DDX60: variants seen among roughly 807,000 people sequenced by gnomAD.
DDX60 encodes DExD/H-box helicase 60, also known as probable ATP-dependent RNA helicase DDX60.
DDX60 carries 165 observed loss-of-function variants against 212.8 expected under a neutral mutation model. The ratio of observed to expected loss-of-function variants is 0.78; its 90% confidence interval spans 0.68 to 0.88. The LOEUF (loss-of-function observed/expected upper bound fraction) is 0.88. Ranked by LOEUF, DDX60 falls within the 40% of genes least tolerant of loss-of-function variation. The pLI is 0.00. For synonymous variants in DDX60, 703 were observed against 685.3 expected, an observed-to-expected ratio of 1.03 and a Z score of -0.40; for missense variants, 1,905 against 2,003.9, an observed-to-expected ratio of 0.95 and a Z score of 0.94.
At chr4:168,302,126 T>A (rs1247931188) in intron 6 of DDX60, among the ~76,000 whole-genome samples, 174 bp downstream of exon 6, 1 of 152,238 alleles carries the variant, frequency 6.6e-6, no homozygotes, top group Admixed American at 6.5e-5. Flanking sequence ...GTTTAGTTAA[T>A]AGGATTGACA....
chr4:168,288,376 G>T, intron 8 of DDX60, 61 bp from the exon 9 acceptor site: 2 of 1,185,726 alleles, frequency 1.7e-6, no homozygotes, highest in South Asian at 1.4e-5. Flanking sequence ...AAACTATAGG[G>T]TTCATATGCT....
Position 168,280,528 on chromosome 4 carries a change from T to C in DDX60, c.1785A>G (p.Gln595=), listed in dbSNP as rs1457633020. 1 of 1,614,156 alleles carries C rather than the reference T, an allele frequency of 6.2e-7. No homozygotes were observed. Among genetic ancestry groups the C allele is most frequent in the Non-Finnish European group, 8.5e-7 (1 of 1,180,014 alleles). Residue 595 remains glutamine, a synonymous_variant, in exon 14 of 38, where the codon CAA becomes CAG. Coordinates refer to ENST00000393743, the MANE Select transcript of DDX60 (RefSeq NM_017631.6). ...NKKRLFAREE[Q]KEEQKWNALS... is the part of the protein sequence containing the mutation. ...AAGCATTCCACTTTTGCTCTTCCTTTTGTTCTTCCCTGGCAAATAACCTTT... is the reference window on the plus strand; with the variant it reads ...AAGCATTCCACTTTTGCTCTTCCTTCTGTTCTTCCCTGGCAAATAACCTTT...
In DDX60 at chr4:168,308,000, T is replaced by G. The variant is rs766131825; in HGVS notation, c.264+6A>C. The G allele has an allele frequency of 2.7e-5, 42 of 1,562,738 alleles. No individual in the cohort carries two copies. Among genetic ancestry groups the G allele is most frequent in the Non-Finnish European group, 3.5e-5 (41 of 1,163,966 alleles). On this transcript the variant is annotated splice_donor_region_variant and intron_variant, in intron 4 of 37. Transcript: ENST00000393743. ...ATTATAAAAAAGAACTCAACTATCA[T>G]GTTACCTTGAAGAAAACTATGGTGA... is the stretch of plus-strand genomic sequence containing the variant.
intron 6 of DDX60, among the ~76,000 whole-genome samples, chr4:168,295,808 T>G (rs952486181): frequency 1.3e-5 from 2 of 152,178 alleles, no homozygotes; most frequent in African/African-American, 4.8e-5. Flanking sequence ...ATATACACAA[T>G]GGAATACTAT....
At chr4:168,284,648 AAGAG>A (rs764867330) in intron 12 of DDX60, among the ~76,000 whole-genome samples, 168 bp downstream of exon 12, 2 of 152,190 alleles carry the variant, frequency 1.3e-5, no homozygotes, top group East Asian at 1.9e-4. Context: ...ACTGTCAATA[AAGAG>A]AGAGAGAATT....
chr4:168,273,659 G>A (rs747864937), intron 17 of DDX60, among the ~76,000 whole-genome samples: 1 of 152,098 alleles, frequency 6.6e-6, no homozygotes, highest in Non-Finnish European at 1.5e-5. Flanking sequence ...AGAAAATGTT[G>A]CCTATATATC....
chr4:168,270,859 T>TTAAATATTCCCCC (rs1372848748), intron 19 of DDX60, among the ~76,000 whole-genome samples: 1 of 126,658 alleles, frequency 7.9e-6, no homozygotes, highest in African/African-American at 3.8e-5. Flanking sequence ...ATATTCCCCC[T>TTAAATATTCCCCC]TTTTTTTCTT....
chr4:168,244,066 G>C (rs560907059), intron 30 of DDX60, among the ~76,000 whole-genome samples: 1 of 152,274 alleles, frequency 6.6e-6, no homozygotes, highest in East Asian at 1.9e-4. Context: ...AGAACACATG[G>C]ACCCAGGGAG....
At chr4:168,310,629 T>C (rs973248948) in intron 3 of DDX60, among the ~76,000 whole-genome samples, 1 of 152,090 alleles carries the variant, frequency 6.6e-6, no homozygotes, top group African/African-American at 2.4e-5. Flanking sequence ...GGTGCAAACT[T>C]CTTGGTAGAG....
chr4:168,266,809 A>G (rs1254889613), intron 22 of DDX60, among the ~76,000 whole-genome samples: 1 of 152,210 alleles, frequency 6.6e-6, no homozygotes, highest in African/African-American at 2.4e-5. Flanking sequence ...GCTGAGAGTT[A>G]CATTTAATTA....
At chr4:168,246,780 T>G (rs1164957328) in intron 29 of DDX60, among the ~76,000 whole-genome samples, 162 bp from the exon 30 acceptor site, 6 of 152,176 alleles carry the variant, frequency 3.9e-5, no homozygotes, top group Non-Finnish European at 8.8e-5. Context: ...CTTAGGAAAT[T>G]TGCCATGACT....
At position 168,221,085 on chromosome 4, in the gene DDX60, T is replaced by C. The variant is rs72971435; in HGVS notation, c.4977-368A>G. Among the ~76,000 whole-genome samples, 1,385 of 152,296 alleles carry C rather than the reference T, an allele frequency of 9.1e-3. 19 individuals are homozygous for C. Among genetic ancestry groups the C allele is most frequent in the African/African-American group, 0.031 (1,289 of 41,562 alleles). ...CTTTATTCACAATGAGTCACTTTTT[T>C]TCAAAACAGTGCTCAACATCTTTGA... On this transcript the variant is annotated intron_variant, in intron 36 of 37. Coordinates refer to ENST00000393743, the MANE Select transcript of DDX60 (RefSeq NM_017631.6).
At chr4:168,275,229 G>A in intron 16 of DDX60, 116 bp downstream of exon 16, 1 of 982,190 alleles carries the variant, frequency 1.0e-6, no homozygotes, top group Non-Finnish European at 1.4e-6. Context: ...CAATAACAAA[G>A]TATCTTTAAA....
At chr4:168,310,206 G>A (rs116058459) in intron 3 of DDX60, among the ~76,000 whole-genome samples, 549 of 152,002 alleles carry the variant, frequency 3.6e-3, no homozygotes, top group African/African-American at 0.012. Flanking sequence ...TGGTCTACTC[G>A]CCCCCAAACA....
intron 1 of DDX60, among the ~76,000 whole-genome samples, chr4:168,317,628 C>A (rs1374729624): frequency 6.6e-6 from 1 of 152,100 alleles, no homozygotes; most frequent in African/African-American, 2.4e-5. Flanking sequence ...AACCCTCTCC[C>A]CTTGAGTGTG....
At chr4:168,247,297 A>G (rs1435086530) in intron 29 of DDX60, among the ~76,000 whole-genome samples, 1 of 152,174 alleles carries the variant, frequency 6.6e-6, no homozygotes, top group African/African-American at 2.4e-5. Flanking sequence ...CCCACATATC[A>G]AACACCCTAG....
chr4:168,231,400 CAA>C (rs58009260), intron 33 of DDX60, among the ~76,000 whole-genome samples: 4,127 of 136,460 alleles, frequency 0.03, 193 homozygotes, highest in African/African-American at 0.1. Flanking sequence ...AATGACATAA[CAA>C]AAAAAAAAAG....
intron 6 of DDX60, among the ~76,000 whole-genome samples, chr4:168,296,348 G>A (rs1736343016): frequency 6.6e-6 from 1 of 151,908 alleles, no homozygotes; most frequent in Non-Finnish European, 1.5e-5. Context: ...TACCTAAGGG[G>A]ACAATTTTCT....
chr4:168,292,347 A>T (rs1579061136), intron 7 of DDX60, among the ~76,000 whole-genome samples: 1 of 152,018 alleles, frequency 6.6e-6, no homozygotes, highest in East Asian at 1.9e-4. Flanking sequence ...GCCCAGCTGA[A>T]TTATTACATT....
Sources: allele counts gnomAD v4.1 joint callset (sites outside exome capture counted in the v4.1 genomes callset), GRCh38; gene constraint gnomAD v4.1.1; transcripts MANE v1.5; gene names NCBI Gene and HGNC (gene_info 2026-07-23, HGNC 2026-07-21).